The following ARRB1 variants were observed in gnomAD, a reference collection of about 807,000 sequenced individuals.
The protein encoded by ARRB1 is beta-arrestin-1.
A neutral mutation model predicts 56.8 loss-of-function variants in ARRB1; 21 were observed. The observed-to-expected ratio is 0.37, with a 90% confidence interval of 0.26 to 0.53. The LOEUF is 0.53. Among genes scored for constraint, ARRB1 ranks in the 20% least tolerant of loss-of-function variants. The pLI is 0.88. For missense variants in ARRB1, 424 were observed against 553.7 expected, an observed-to-expected ratio of 0.77 and a Z score of 2.35; for synonymous variants, 210 against 218.6, an observed-to-expected ratio of 0.96 and a Z score of 0.35.
intron 14 of ARRB1, among the ~76,000 whole-genome samples, chr11:75,267,937 A>C (rs1565102009): frequency 2.0e-5 from 3 of 152,216 alleles, no homozygotes; most frequent in Non-Finnish European, 4.4e-5. Flanking sequence ...GCCCCAGAAG[A>C]ACAGAAAATC....
chr11:75,310,092 A>T (rs1210398265), intron 1 of ARRB1, among the ~76,000 whole-genome samples: 2 of 152,290 alleles, frequency 1.3e-5, no homozygotes, highest in Middle Eastern at 6.8e-3. Context: ...AGCTCAAGCC[A>T]TCTGATCCCA....
chr11:75,348,761 C>G (rs1375463436), intron 1 of ARRB1, among the ~76,000 whole-genome samples: 1 of 152,112 alleles, frequency 6.6e-6, no homozygotes, highest in East Asian at 1.9e-4. Flanking sequence ...CCACACTCAG[C>G]TAATTTTTGT....
In ARRB1 at chr11:75,311,968, C is replaced by A. The variant is rs999915424; in HGVS notation, c.21-21929G>T. 5.1e-6 allele frequency: 6 copies of A among 1,179,370 alleles called. No individual in the cohort carries two copies. In the African/African-American group the frequency reaches 7.9e-5, roughly 16 times the overall value. 73.1% of individuals were successfully genotyped at this position (1,179,370 alleles called of 1,614,324 possible). On this transcript the variant is annotated intron_variant, in intron 1 of 15. Transcript: ENST00000420843. ...CCGGCAGAGGAACCAAGCAGCAGGG[C>A]CTGGGCCGAGGGGCTGGGAAAAAGC... is the stretch of plus-strand genomic sequence containing the variant.
intron 1 of ARRB1, among the ~76,000 whole-genome samples, chr11:75,340,245 G>A (rs1478526632): frequency 6.6e-6 from 1 of 152,224 alleles, no homozygotes; most frequent in African/African-American, 2.4e-5. Context: ...AGGCTTCCCC[G>A]CTTTGCAGCT....
chr11:75,297,524 C>CA (rs777170149), intron 1 of ARRB1, among the ~76,000 whole-genome samples: 22 of 150,682 alleles, frequency 1.5e-4, no homozygotes, highest in Non-Finnish European at 2.4e-4. Context: ...GATAGTCGCA[C>CA]AAAAAAAAAC....
At chr11:75,313,123 CG>C (rs1053154328) in intron 1 of ARRB1, among the ~76,000 whole-genome samples, 1 of 152,108 alleles carries the variant, frequency 6.6e-6, no homozygotes, top group African/African-American at 2.4e-5. Context: ...GAGGCCAAGG[CG>C]GGCAGATCAC....
At chr11:75,306,980 G>C (rs916101183) in intron 1 of ARRB1, among the ~76,000 whole-genome samples, 1 of 152,174 alleles carries the variant, frequency 6.6e-6, no homozygotes, top group Non-Finnish European at 1.5e-5. Context: ...CAGCCTGGGG[G>C]AGCCCTTACC....
intron 1 of ARRB1, among the ~76,000 whole-genome samples, chr11:75,317,815 G>T (rs1294133650): frequency 6.6e-6 from 1 of 152,326 alleles, no homozygotes; most frequent in African/African-American, 2.4e-5. Context: ...CTGCACAGAT[G>T]AGGACAGCGA....
chr11:75,305,005 CT>C (rs1313690974), intron 1 of ARRB1, among the ~76,000 whole-genome samples: 4 of 121,960 alleles, frequency 3.3e-5, no homozygotes, highest in Admixed American at 8.6e-5. Context: ...CTTTTCTTTT[CT>C]TTTCTTTCTT....
chr11:75,311,967 G>C, intron 1 of ARRB1: 1 of 1,169,964 alleles, frequency 8.5e-7, no homozygotes, highest in Non-Finnish European at 1.1e-6. Context: ...AAGCAGCAGG[G>C]CCTGGGCCGA....
chr11:75,350,891 G>T (rs1246358486), intron 1 of ARRB1, among the ~76,000 whole-genome samples: 1 of 152,202 alleles, frequency 6.6e-6, no homozygotes, highest in Non-Finnish European at 1.5e-5. Context: ...AGCAGCTCGT[G>T]CCTGTGGGGT....
At chr11:75,311,455 C>A (rs1217899107) in intron 1 of ARRB1, among the ~76,000 whole-genome samples, 3 of 152,218 alleles carry the variant, frequency 2.0e-5, no homozygotes. Context: ...CAGGTGACAT[C>A]TGAGCTGGAC....
intron 1 of ARRB1, among the ~76,000 whole-genome samples, chr11:75,316,152 AC>A: frequency 6.6e-6 from 1 of 152,082 alleles, no homozygotes; most frequent in East Asian, 1.9e-4. Context: ...ACATGGTGAA[AC>A]CCCGTCTCTA....
chr11:75,307,716 TCCCCTG>T (rs1947063429), intron 1 of ARRB1, among the ~76,000 whole-genome samples: 2 of 152,098 alleles, frequency 1.3e-5, no homozygotes, highest in African/African-American at 4.8e-5. Flanking sequence ...GCTCACACCC[TCCCCTG>T]CCCAGGGTCC....
At chr11:75,289,960 C>G (rs757191880) in intron 2 of ARRB1, 49 bp downstream of exon 2, 2 of 1,613,528 alleles carry the variant, frequency 1.2e-6, no homozygotes, top group East Asian at 2.2e-5. Flanking sequence ...GAGAAAATGA[C>G]CAGAGTGTGA....
At chr11:75,320,716 G>T (rs950086778) in intron 1 of ARRB1, among the ~76,000 whole-genome samples, 1 of 152,166 alleles carries the variant, frequency 6.6e-6, no homozygotes, top group African/African-American at 2.4e-5. Context: ...CTCCAGCACC[G>T]CACAAACTCA....
At chr11:75,343,693 C>G (rs988111156) in intron 1 of ARRB1, among the ~76,000 whole-genome samples, 1 of 152,164 alleles carries the variant, frequency 6.6e-6, no homozygotes, top group South Asian at 2.1e-4. Flanking sequence ...AGAGCCTAAC[C>G]GCTATGCTAA....
At chr11:75,337,455 T>C (rs1947623376) in intron 1 of ARRB1, among the ~76,000 whole-genome samples, 1 of 152,214 alleles carries the variant, frequency 6.6e-6, no homozygotes, top group African/African-American at 2.4e-5. Context: ...GAAAGGGTGC[T>C]TTTTCTTTAA....
chr11:75,303,432 T>C (rs1483794398), intron 1 of ARRB1, among the ~76,000 whole-genome samples: 8 of 152,178 alleles, frequency 5.3e-5, no homozygotes, highest in Non-Finnish European at 2.9e-5. Flanking sequence ...AGTCCCAGCG[T>C]CACCTCACCC....
Sources: gnomAD v4.1 joint callset for allele counts (sites outside exome capture counted in the v4.1 genomes callset) on GRCh38, gnomAD v4.1.1 for gene constraint, MANE v1.5 for transcripts, NCBI Gene and HGNC (gene_info 2026-07-23, HGNC 2026-07-21) for gene names.